The following LIMA1 variants were observed in gnomAD, a reference collection of about 807,000 sequenced individuals.
The protein encoded by LIMA1 is LIM domain and actin binding 1.
LIMA1 carries 52 observed loss-of-function variants against 62.6 expected under a neutral mutation model. That is an observed-to-expected ratio of 0.83 (90% CI 0.67 to 1.05). LIMA1 has a LOEUF of 1.05. LIMA1 is among the 50% of genes least tolerant of loss of function. The pLI is 0.00. For missense variants in LIMA1, 780 were observed against 902.2 expected (o/e 0.86, Z 1.74); for synonymous variants, 302 against 317.8 (o/e 0.95, Z 0.53).
intron 4 of LIMA1, among the ~76,000 whole-genome samples, chr12:50,209,810 C>T (rs1941221667): frequency 2.0e-5 from 3 of 151,908 alleles, no homozygotes; most frequent in South Asian, 2.1e-4. Flanking sequence ...GGATTACAGG[C>T]GTCTGCTACC....
Position 50,192,637 on chromosome 12 carries a change from A to G in LIMA1, c.1031-76T>C, listed in dbSNP as rs942274632. 3.1e-5 allele frequency: 32 copies of G among 1,037,782 alleles called. 1 individual carries two copies. The Admixed American group carries it at 3.8e-4, about 12-fold the overall frequency. 64.3% of individuals were successfully genotyped at this position (1,037,782 alleles called of 1,614,324 possible). On this transcript the variant is annotated intron_variant, in intron 8 of 10. Coordinates refer to ENST00000341247, the MANE Select transcript of LIMA1 (RefSeq NM_016357.5). ...TGGAAAGTGTTCTTCCGAAAAGCAA[A>G]GTTTGGGCACTTTCATTAATGACAG...
At chr12:50,197,577 C>T (rs959144795) in intron 7 of LIMA1, among the ~76,000 whole-genome samples, 7 of 152,166 alleles carry the variant, frequency 4.6e-5, no homozygotes, top group Non-Finnish European at 8.8e-5. Flanking sequence ...CTTCATGATT[C>T]ACAGTCGCAC....
intron 4 of LIMA1, among the ~76,000 whole-genome samples, chr12:50,213,814 T>TC (rs750174321): frequency 6.6e-6 from 1 of 152,164 alleles, no homozygotes; most frequent in Non-Finnish European, 1.5e-5. Context: ...TAAAGAATAT[T>TC]CCAGTCCCCT....
At chr12:50,263,951 G>A (rs1942109465) in intron 1 of LIMA1, among the ~76,000 whole-genome samples, 1 of 148,132 alleles carries the variant, frequency 6.8e-6, no homozygotes, top group African/African-American at 2.5e-5. Context: ...TGTCCACACA[G>A]AACTTGTACA....
chr12:50,197,339 G>A (rs1940951957), intron 7 of LIMA1, among the ~76,000 whole-genome samples: 1 of 151,714 alleles, frequency 6.6e-6, no homozygotes, highest in Non-Finnish European at 1.5e-5. Context: ...CAAAGTGCTA[G>A]GATTACAGGC....
intron 1 of LIMA1, among the ~76,000 whole-genome samples, chr12:50,268,062 A>G (rs1424293218): frequency 6.6e-6 from 1 of 152,060 alleles, no homozygotes; most frequent in East Asian, 1.9e-4. Context: ...TCCTTGTACA[A>G]TTGGATTTGC....
At chr12:50,237,222 AGG>A (rs910367569) in intron 2 of LIMA1, among the ~76,000 whole-genome samples, 1 of 152,248 alleles carries the variant, frequency 6.6e-6, no homozygotes, top group Non-Finnish European at 1.5e-5. Context: ...CCGTTAGCAG[AGG>A]AGTGGTAAAT....
At position 50,248,632 on chromosome 12, in the gene LIMA1, C is replaced by T. The variant is rs762339470; in HGVS notation, c.119+1G>A. Reference sequence around the variant, plus strand: ...CCTTTTGGACCAGGATCAGCACTTACTTGGAGAATATTTCCACAATAGCCG... The same window carrying T: ...CCTTTTGGACCAGGATCAGCACTTATTTGGAGAATATTTCCACAATAGCCG... On this transcript the variant is annotated splice_donor_variant, in intron 2 of 10. Coordinates refer to ENST00000341247, the MANE Select transcript of LIMA1 (RefSeq NM_016357.5). LOFTEE classifies it high-confidence loss of function. 5 of 1,588,828 alleles carry T rather than the reference C, an allele frequency of 3.1e-6. No homozygotes were observed. In the South Asian group the frequency reaches 5.5e-5, roughly 18 times the overall value.
At chr12:50,273,480 G>A (rs1419828266) in intron 1 of LIMA1, among the ~76,000 whole-genome samples, 2 of 151,760 alleles carry the variant, frequency 1.3e-5, no homozygotes, top group African/African-American at 4.8e-5. Flanking sequence ...TAAATGAAAG[G>A]ATAAAAGCAA....
chr12:50,210,482 A>G (rs1941237446), intron 4 of LIMA1, among the ~76,000 whole-genome samples: 1 of 152,068 alleles, frequency 6.6e-6, no homozygotes, highest in Non-Finnish European at 1.5e-5. Context: ...CTGTGTTCTT[A>G]ATACAGATAT....
At chr12:50,255,544 C>G (rs1276460717) in intron 1 of LIMA1, among the ~76,000 whole-genome samples, 1 of 138,224 alleles carries the variant, frequency 7.2e-6, no homozygotes, top group Non-Finnish European at 1.5e-5. Context: ...AGAGCCAGAC[C>G]CTGTCAAAAA....
At chr12:50,280,563 A>G (rs980735070) in intron 1 of LIMA1, among the ~76,000 whole-genome samples, 1 of 152,210 alleles carries the variant, frequency 6.6e-6, no homozygotes, top group African/African-American at 2.4e-5. Flanking sequence ...GTCTCTAGAA[A>G]GTTTTCACGT....
Position 50,204,542 on chromosome 12 carries a change from G to A in LIMA1, c.864+10C>T, listed in dbSNP as rs1941115588. ...AATGAATGAATGAATGAATGATGCAGAACACATACTGTATAGTTGGTTGAG... is the reference window on the plus strand; with the variant it reads ...AATGAATGAATGAATGAATGATGCAAAACACATACTGTATAGTTGGTTGAG... On this transcript the variant is annotated intron_variant, in intron 6 of 10. Transcript: ENST00000341247. The A allele has an allele frequency of 6.2e-7, 1 of 1,612,778 alleles. No homozygotes were observed. Among genetic ancestry groups the A allele is most frequent in the Non-Finnish European group, 8.5e-7 (1 of 1,179,370 alleles).
chr12:50,225,288 G>GA (rs1565848721), intron 3 of LIMA1, among the ~76,000 whole-genome samples: 1 of 151,610 alleles, frequency 6.6e-6, no homozygotes, highest in Non-Finnish European at 1.5e-5. Context: ...CTTATTGGGG[G>GA]AAAAACTCTC....
intron 4 of LIMA1, among the ~76,000 whole-genome samples, 164 bp downstream of exon 4, chr12:50,221,857 G>A (rs1941447318): frequency 6.6e-6 from 1 of 152,148 alleles, no homozygotes; most frequent in African/African-American, 2.4e-5. Context: ...ACAAATCTTA[G>A]CATCTATGTA....
intron 9 of LIMA1, among the ~76,000 whole-genome samples, chr12:50,190,446 C>T (rs1342467766): frequency 1.3e-5 from 2 of 150,556 alleles, no homozygotes; most frequent in African/African-American, 4.9e-5. Context: ...CGGTTCACCA[C>T]AACCTCTGCC....
At chr12:50,208,363 G>C (rs762904382) in intron 4 of LIMA1, among the ~76,000 whole-genome samples, 1 of 152,204 alleles carries the variant, frequency 6.6e-6, no homozygotes, top group East Asian at 1.9e-4. Flanking sequence ...GCCCGCACCT[G>C]TAATCCCAGC....
At chr12:50,232,422 T>C (rs1941625662) in intron 2 of LIMA1, among the ~76,000 whole-genome samples, 1 of 149,860 alleles carries the variant, frequency 6.7e-6, no homozygotes, top group Non-Finnish European at 1.5e-5. Flanking sequence ...CAGGCTGAAG[T>C]TCAGTAGCGT....
chr12:50,181,460 T>G lies in LIMA1; in HGVS notation c.1274+444A>C, dbSNP rs565891439. ...GGAAGAAATGATATGTAACAACTATTTTCTCAGAAATAAAGTGAGGCAACA... is the reference window on the plus strand; with the variant it reads ...GGAAGAAATGATATGTAACAACTATGTTCTCAGAAATAAAGTGAGGCAACA... On this transcript the variant is annotated intron_variant, in intron 10 of 10. Transcript: ENST00000341247. Among the ~76,000 whole-genome samples, 4 of 152,358 alleles carry G rather than the reference T, an allele frequency of 2.6e-5. No homozygotes were observed. In the South Asian group the frequency reaches 8.3e-4, roughly 32 times the overall value.
Sources: allele counts gnomAD v4.1 joint callset (sites outside exome capture counted in the v4.1 genomes callset), GRCh38; gene constraint gnomAD v4.1.1; transcripts MANE v1.5; gene names NCBI Gene and HGNC (gene_info 2026-07-23, HGNC 2026-07-21).